The following ITFG1 variants were observed in gnomAD, a reference collection of about 807,000 sequenced individuals.
The protein encoded by ITFG1 is integrin alpha FG-GAP repeat containing 1, also known as T-cell immunomodulatory protein.
In ITFG1, 34 loss-of-function variants were observed where a neutral mutation model predicts 81.8. The ratio of observed to expected loss-of-function variants is 0.42; its 90% CI spans 0.32 to 0.55. The LOEUF (loss-of-function observed/expected upper bound fraction) is 0.55. Among genes scored for constraint, ITFG1 ranks in the 20% least tolerant of loss-of-function variants. The pLI is 0.17. For missense variants in ITFG1, 672 were observed against 755.4 expected (o/e 0.89, Z 1.29); for synonymous variants, 285 against 270.6 (o/e 1.05, Z -0.52).
At chr16:47,419,895 G>A (rs35353882) in intron 6 of ITFG1, among the ~76,000 whole-genome samples, 34 of 151,286 alleles carry the variant, frequency 2.2e-4, no homozygotes, top group Non-Finnish European at 4.3e-4. Flanking sequence ...GAGCCACGAC[G>A]CCCGCCCTAC....
At chr16:47,343,274 A>C (rs1324540636) in intron 8 of ITFG1, among the ~76,000 whole-genome samples, 1 of 152,108 alleles carries the variant, frequency 6.6e-6, no homozygotes, top group Non-Finnish European at 1.5e-5. Context: ...CTGGATTTCC[A>C]CATGAAAAAG....
chr16:47,430,848 TAAAC>T (rs1285326944), intron 5 of ITFG1, among the ~76,000 whole-genome samples: 2 of 152,162 alleles, frequency 1.3e-5, no homozygotes, highest in African/African-American at 4.8e-5. Flanking sequence ...TAAAAATAAG[TAAAC>T]AAACAAATAC....
At chr16:47,197,567 T>TG (rs1965373450) in intron 14 of ITFG1, among the ~76,000 whole-genome samples, 1 of 152,260 alleles carries the variant, frequency 6.6e-6, no homozygotes. Flanking sequence ...TTGCCACACT[T>TG]GCTCAGGACA....
intron 14 of ITFG1, among the ~76,000 whole-genome samples, chr16:47,168,352 C>G (rs958315600): frequency 6.6e-6 from 1 of 152,008 alleles, no homozygotes; most frequent in African/African-American, 2.4e-5. Flanking sequence ...AATATTTTCT[C>G]CCTTTTCAGT....
intron 5 of ITFG1, among the ~76,000 whole-genome samples, chr16:47,443,072 C>G (rs1374709788): frequency 2.6e-5 from 4 of 152,100 alleles, no homozygotes; most frequent in African/African-American, 7.2e-5. Context: ...ACAACCCCAT[C>G]AAAAAGTGGG....
intron 5 of ITFG1, among the ~76,000 whole-genome samples, chr16:47,439,476 C>G (rs555328190): frequency 1.3e-5 from 2 of 152,334 alleles, no homozygotes; most frequent in African/African-American, 4.8e-5. Context: ...ATCAGACTAA[C>G]AGCTGATCTC....
chr16:47,178,383 C>T (rs768820209), intron 14 of ITFG1, among the ~76,000 whole-genome samples: 5 of 152,120 alleles, frequency 3.3e-5, no homozygotes, highest in Non-Finnish European at 5.9e-5. Flanking sequence ...TTTAAACAGT[C>T]CTACTTAGTG....
intron 6 of ITFG1, among the ~76,000 whole-genome samples, chr16:47,394,557 T>C (rs1968571308): frequency 6.6e-6 from 1 of 152,094 alleles, no homozygotes; most frequent in South Asian, 2.1e-4. Context: ...GTGGACTATG[T>C]TTTCCTAGAG....
At chr16:47,346,626 T>C (rs1030128738) in intron 8 of ITFG1, among the ~76,000 whole-genome samples, 1 of 152,176 alleles carries the variant, frequency 6.6e-6, no homozygotes, top group African/African-American at 2.4e-5. Flanking sequence ...TAAGAGATTA[T>C]TATGAACAAC....
chr16:47,412,463 C>T (rs1968823394), intron 6 of ITFG1, among the ~76,000 whole-genome samples: 1 of 152,114 alleles, frequency 6.6e-6, no homozygotes, highest in African/African-American at 2.4e-5. Context: ...CGGTGGCTCA[C>T]TTGAGGTCAG....
chr16:47,301,642 C>A (rs1272152823), intron 10 of ITFG1, among the ~76,000 whole-genome samples: 3 of 152,088 alleles, frequency 2.0e-5, no homozygotes, highest in African/African-American at 7.2e-5. Context: ...GTGATCCGTC[C>A]ACCTCAGCCT....
chr16:47,253,141 G>C (rs1966097641), intron 12 of ITFG1, among the ~76,000 whole-genome samples: 1 of 152,106 alleles, frequency 6.6e-6, no homozygotes, highest in Admixed American at 6.6e-5. Context: ...AGGGTGACTT[G>C]TCCTGATTTA....
intron 6 of ITFG1, among the ~76,000 whole-genome samples, chr16:47,379,725 C>T (rs1968372171): frequency 1.3e-5 from 2 of 151,742 alleles, no homozygotes; most frequent in South Asian, 4.2e-4. Context: ...AGTTGGATCA[C>T]CTTTCATGGG....
rs59030134 is a variant in ITFG1 at position 47,433,770 on chromosome 16, A to AATAT, written c.561-4876_561-4873dup. 5.7e-3 allele frequency among the ~76,000 whole-genome samples: 705 copies of AATAT among 124,460 alleles called. 13 individuals are homozygous for AATAT. The highest frequency in any genetic ancestry group is 0.016 in the Middle Eastern group (4 of 250). 81.7% of individuals were successfully genotyped at this position (124,460 alleles called of 152,430 possible). ...TGCATTTTAAGATGAATAAAAACTG[A>AATAT]ATATATATATATATATATATATACA... On this transcript the variant is annotated intron_variant, in intron 5 of 17. Transcript: ENST00000320640.
intron 13 of ITFG1, among the ~76,000 whole-genome samples, chr16:47,234,326 A>G (rs1965848369): frequency 6.6e-6 from 1 of 152,210 alleles, no homozygotes; most frequent in Non-Finnish European, 1.5e-5. Flanking sequence ...AAAACGAAAT[A>G]GAAATAAAAA....
intron 10 of ITFG1, among the ~76,000 whole-genome samples, chr16:47,266,765 G>A (rs751138137): frequency 1.9e-4 from 29 of 152,104 alleles, no homozygotes; most frequent in African/African-American, 6.0e-4. Flanking sequence ...GTTCATAGTC[G>A]TAGTATTTAA....
chr16:47,164,332 C>A (rs981530005), intron 14 of ITFG1, among the ~76,000 whole-genome samples: 1 of 152,110 alleles, frequency 6.6e-6, no homozygotes, highest in Non-Finnish European at 1.5e-5. Context: ...AGTGGTCAGC[C>A]AGTGATTTGT....
rs144239348 is a variant in ITFG1, at chr16:47,399,651, G to A, written c.656-23711C>T. Among the ~76,000 whole-genome samples, 1,361 of 151,310 alleles carry A rather than the reference G, an allele frequency of 9.0e-3. 11 individuals carry two copies. Among genetic ancestry groups the A allele is most frequent in the Non-Finnish European group, 0.013 (914 of 67,940 alleles). On this transcript the variant is annotated intron_variant, in intron 6 of 17. Coordinates refer to ENST00000320640, the MANE Select transcript of ITFG1 (RefSeq NM_030790.5). ...TACAATAAATTCTCCCTTCCATTTC[G>A]TGCAGAATACACTTATAAAGCATAT...
chr16:47,300,209 G>A lies in ITFG1; in HGVS notation c.1070+11031C>T, dbSNP rs184092778. Among the ~76,000 whole-genome samples, 67 of 152,298 alleles carry A rather than the reference G, an allele frequency of 4.4e-4. 1 individual carries two copies. Among genetic ancestry groups the A allele is most frequent in the African/African-American group, 1.6e-3 (67 of 41,562 alleles). Reference sequence around the variant, plus strand: ...TTCCTGGCCCACTCTGGTCAAATAGGCTTCCTGTTTTCCTTCTGCTTCCTA... The same window carrying A: ...TTCCTGGCCCACTCTGGTCAAATAGACTTCCTGTTTTCCTTCTGCTTCCTA... On this transcript the variant is annotated intron_variant, in intron 10 of 17. Transcript: ENST00000320640.
Sources: gnomAD v4.1 joint callset for allele counts (sites outside exome capture counted in the v4.1 genomes callset) on GRCh38, gnomAD v4.1.1 for gene constraint, MANE v1.5 for transcripts, NCBI Gene and HGNC (gene_info 2026-07-23, HGNC 2026-07-21) for gene names.